Variants in TBC1D8B observed in about 807,000 individuals in gnomAD.
TBC1D8B encodes RP11-321G1.1.
In TBC1D8B, 75 loss-of-function variants were observed where a neutral mutation model predicts 82.9. The ratio of observed to expected loss-of-function variants is 0.90; its 90% CI spans 0.75 to 1.10. The LOEUF (loss-of-function observed/expected upper bound fraction) is 1.10. Ranked by LOEUF, TBC1D8B falls within the 50% of genes least tolerant of loss-of-function variation. TBC1D8B has a pLI of 0.00. For missense variants in TBC1D8B, 794 were observed against 796.9 expected (o/e 1.00, Z 0.04); for synonymous variants, 276 against 276.8 (o/e 1.00, Z 0.03).
intron 14 of TBC1D8B, among the ~76,000 whole-genome samples, chrX:106,863,010 A>G (rs1483720538): frequency 4.6e-5 from 5 of 109,528 alleles, no homozygotes; most frequent in African/African-American, 1.7e-4. Flanking sequence ...AGGTGTTCCC[A>G]GTCCACTGGC....
At chrX:106,860,537 A>G (rs1349587515) in intron 14 of TBC1D8B, among the ~76,000 whole-genome samples, 1 of 110,321 alleles carries the variant, frequency 9.1e-6, no homozygotes, top group East Asian at 2.8e-4. Context: ...GTAGTCTCTG[A>G]GGGTATTTTT....
At chrX:106,826,390 C>T (rs911455730) in intron 6 of TBC1D8B, among the ~76,000 whole-genome samples, 153 bp downstream of exon 6, 10 of 111,440 alleles carry the variant, frequency 9.0e-5, no homozygotes, top group African/African-American at 2.9e-4. Context: ...AAGAGTACAG[C>T]CTTCTGAGAT....
chrX:106,825,575 G>A (rs1285071403), intron 5 of TBC1D8B, among the ~76,000 whole-genome samples: 1 of 110,666 alleles, frequency 9.0e-6, no homozygotes, highest in Non-Finnish European at 1.9e-5. Context: ...GTCTTTAATA[G>A]ACTACTCTTT....
intron 10 of TBC1D8B, among the ~76,000 whole-genome samples, chrX:106,842,601 C>CTCTATCTA (rs55764545): frequency 3.0e-4 from 29 of 95,331 alleles, no homozygotes; most frequent in East Asian, 1.3e-3. Flanking sequence ...GGCTAGCTTG[C>CTCTATCTA]TCTATCTATC....
chrX:106,848,605 A>C (rs1932513780), intron 11 of TBC1D8B, among the ~76,000 whole-genome samples: 1 of 111,452 alleles, frequency 9.0e-6, no homozygotes, highest in African/African-American at 3.3e-5. Context: ...TATGTTGCTA[A>C]AACAATGGTG....
At chrX:106,838,655 C>G (rs1351916652) in intron 7 of TBC1D8B, among the ~76,000 whole-genome samples, 2 of 111,897 alleles carry the variant, frequency 1.8e-5, no homozygotes, top group African/African-American at 6.5e-5. Flanking sequence ...AATCTTTAGC[C>G]AGGCTCTTGT....
At chrX:106,857,235 C>T (rs1425023970) in intron 14 of TBC1D8B, among the ~76,000 whole-genome samples, 1 of 111,069 alleles carries the variant, frequency 9.0e-6, no homozygotes, top group Non-Finnish European at 1.9e-5. Context: ...TCACTGTAAC[C>T]TCCACCTCCT....
At chrX:106,814,817 T>C (rs1265311985) in intron 1 of TBC1D8B, 1 of 112,327 alleles carries the variant, frequency 8.9e-6, no homozygotes, top group East Asian at 2.8e-4. Flanking sequence ...CATTTTTTCA[T>C]GTGTTTTTTG....
chrX:106,817,621 T>C (rs1303348481), intron 1 of TBC1D8B, among the ~76,000 whole-genome samples: 2 of 111,811 alleles, frequency 1.8e-5, no homozygotes, highest in East Asian at 2.8e-4. Context: ...AGTATGTGTA[T>C]GCACTTAATC....
At position 106,840,091 on chromosome X, in the gene TBC1D8B, C is replaced by T; in HGVS notation, c.1397C>T (p.Ala466Val). 5 of 1,207,901 alleles carry T rather than the reference C, an allele frequency of 4.1e-6. No homozygotes were observed. The highest frequency in any genetic ancestry group is 5.6e-6 in the Non-Finnish European group (5 of 893,552). ...MKEQSWKILF[A>V]ECGRGVSMFR... ...GAACAGTCATGGAAAATACTGTTTG[C>T]AGAATGTGGACGTGGTGTTAGTATG... is the stretch of plus-strand genomic sequence containing the variant. The change falls in exon 9 of 21, where the codon GCA (alanine) becomes GTA (valine). Residue 466 changes from alanine (A) to valine (V), a missense_variant. Physicochemically the swap from Ala to Val is moderately conservative, Grantham distance 64 (BLOSUM62 0). Transcript: ENST00000357242.
At chrX:106,816,995 G>A (rs957571868) in intron 1 of TBC1D8B, among the ~76,000 whole-genome samples, 4 of 111,214 alleles carry the variant, frequency 3.6e-5, no homozygotes, top group African/African-American at 1.3e-4. Flanking sequence ...TTCTTTTTAA[G>A]TGGGTCAAAA....
rs754209829 is a variant in TBC1D8B, at chrX:106,873,925, A to T, written c.3323A>T (p.Asn1108Ile). Reference sequence around the variant, plus strand: ...ATAGATGTAAAAGCCAAGCTGGAAAATGCAAGAATTTCTCAGTTAAGGTCT... The same window carrying T: ...ATAGATGTAAAAGCCAAGCTGGAAATTGCAAGAATTTCTCAGTTAAGGTCT... ...KPIDVKAKLE[N>I]ARISQLRSRT... The change falls in exon 21 of 21, where the codon AAT becomes ATT. Residue 1108 changes from asparagine (N) to isoleucine (I), a missense_variant. Asn to Ile is a moderately radical substitution (Grantham distance 149). Coordinates refer to ENST00000357242, the MANE Select transcript of TBC1D8B (RefSeq NM_017752.3). The T allele has an allele frequency of 5.0e-6, 6 of 1,201,644 alleles. No homozygotes were observed. The highest frequency in any genetic ancestry group is 6.7e-6 in the Non-Finnish European group (6 of 892,107).
chrX:106,864,743 T>C (rs1932802832), intron 14 of TBC1D8B, among the ~76,000 whole-genome samples: 1 of 111,189 alleles, frequency 9.0e-6, no homozygotes, highest in Admixed American at 9.5e-5. Context: ...GGTCTTGAAC[T>C]CCTGGCCTCA....
intron 10 of TBC1D8B, among the ~76,000 whole-genome samples, chrX:106,843,023 AGGACTTC>A (rs1282298975): frequency 5.4e-5 from 6 of 111,844 alleles, no homozygotes; most frequent in African/African-American, 1.9e-4. Flanking sequence ...AGCATGTATC[AGGACTTC>A]TTTCTTATGA....
chrX:106,823,486 T>C lies in TBC1D8B; in HGVS notation c.827+20T>C. 1 of 1,195,045 alleles carries C rather than the reference T, an allele frequency of 8.4e-7. No individual in the cohort carries two copies. The highest frequency in any genetic ancestry group is 1.1e-6 in the Non-Finnish European group (1 of 885,330). On this transcript the variant is annotated intron_variant, in intron 5 of 20. Transcript: ENST00000357242. ...CAAAAGGTATTCAAAGCTTAATTTTTAGTTTTCAAAGTATTGTTTGACCAT... is the reference window on the plus strand; with the variant it reads ...CAAAAGGTATTCAAAGCTTAATTTTCAGTTTTCAAAGTATTGTTTGACCAT...
Position 106,874,229 on chromosome X carries a change from C to CT in TBC1D8B, c.*270dup, listed in dbSNP as rs1932871617. Reference sequence around the variant, plus strand: ...GATGATATTCTCAAATACAAATATACTTTTTTATATTTCACAATATATGCA... The same window carrying CT: ...GATGATATTCTCAAATACAAATATACTTTTTTTATATTTCACAATATATGCA... On this transcript the variant is annotated 3_prime_UTR_variant, in exon 21 of 21. Transcript: ENST00000357242. The CT allele has an allele frequency of 1.3e-5, 3 of 235,803 alleles. No individual in the cohort carries two copies. The East Asian group carries it at 2.1e-4, about 17-fold the overall frequency. The allele number at this position is 235,803 out of a possible 1,213,427, so 19.4% of individuals were successfully genotyped here.
chrX:106,849,877 A>C (rs1444568393), intron 11 of TBC1D8B, 148 bp from the exon 12 acceptor site: 4 of 1,056,252 alleles, frequency 3.8e-6, no homozygotes, highest in Non-Finnish European at 4.8e-6. Flanking sequence ...TAGCAGTTAG[A>C]TGTATAAAAT....
At chrX:106,812,951 G>C (rs925192203) in intron 1 of TBC1D8B, among the ~76,000 whole-genome samples, 2 of 110,874 alleles carry the variant, frequency 1.8e-5, no homozygotes, top group African/African-American at 6.6e-5. Flanking sequence ...TCCGCCTCCC[G>C]AGTTCAAGAG....
At chrX:106,834,238 G>A (rs1397424329) in intron 7 of TBC1D8B, among the ~76,000 whole-genome samples, 2 of 111,327 alleles carry the variant, frequency 1.8e-5, no homozygotes, top group Admixed American at 9.5e-5. Flanking sequence ...ATGGTGGAAG[G>A]CACCTCTTCA....
Sources: gnomAD v4.1 joint callset for allele counts (sites outside exome capture counted in the v4.1 genomes callset) on GRCh38, gnomAD v4.1.1 for gene constraint, MANE v1.5 for transcripts, NCBI Gene and HGNC (gene_info 2026-07-23, HGNC 2026-07-21) for gene names.